FAM120A: variants seen among roughly 807,000 people sequenced by gnomAD.
FAM120A encodes constitutive coactivator of PPAR-gamma-like protein 1.
Under a neutral mutation model 109.7 loss-of-function variants are expected in FAM120A, and 15 were observed. The ratio of observed to expected loss-of-function variants is 0.14; its 90% confidence interval spans 0.09 to 0.21. FAM120A has a LOEUF of 0.21. Ranked by LOEUF, FAM120A falls within the 10% of genes least tolerant of loss-of-function variation. The probability of loss-of-function intolerance (pLI) is 1.00; values close to 1 mark genes in which losing one functional copy is unlikely to be tolerated. For missense variants in FAM120A, 899 were observed against 1,439.3 expected (o/e 0.62, Z 6.07); for synonymous variants, 493 against 572.8 (o/e 0.86, Z 1.99).
intron 5 of FAM120A, among the ~76,000 whole-genome samples, chr9:93,502,598 ACG>A (rs1491260332): frequency 2.0e-4 from 30 of 146,956 alleles, no homozygotes; most frequent in Admixed American, 7.6e-4. Flanking sequence ...ACACACACAC[ACG>A]CACACTTGCA....
intron 1 of FAM120A, among the ~76,000 whole-genome samples, chr9:93,462,868 C>T (rs1448405612): frequency 6.6e-6 from 1 of 152,202 alleles, no homozygotes; most frequent in Non-Finnish European, 1.5e-5. Flanking sequence ...GTCAGAATTT[C>T]CTCCTTAAGG....
chr9:93,492,178 G>GTA (rs10631729), intron 3 of FAM120A, among the ~76,000 whole-genome samples: 6,489 of 151,258 alleles, frequency 0.043, 450 homozygotes, highest in African/African-American at 0.15. Flanking sequence ...GTGTGTGTGT[G>GTA]TGTATATATA....
chr9:93,558,306 C>A (rs1241830268), intron 14 of FAM120A, among the ~76,000 whole-genome samples: 1 of 152,216 alleles, frequency 6.6e-6, no homozygotes, highest in Non-Finnish European at 1.5e-5. Context: ...ATAAACCCAC[C>A]CAGGTCAGAG....
rs749271972 is a variant in FAM120A at position 93,561,086 on chromosome 9, CTT to C, written c.2807-19_2807-18del. 14 of 1,609,730 alleles carry C rather than the reference CTT, an allele frequency of 8.7e-6. No individual in the cohort carries two copies. In the African/African-American group the frequency reaches 1.9e-4, roughly 22 times the overall value. ...AATTCTGTGATTGTAAAGATTTTGT[CTT>C]TTTGTATATTTTTTATGCAGGAGTC... On this transcript the variant is annotated intron_variant, in intron 15 of 17. Transcript: ENST00000277165.
At position 93,532,341 on chromosome 9, in the gene FAM120A, A is replaced by G. The variant is rs1861359885; in HGVS notation, c.1909+12A>G. ...ACTTCCACCAGAATGTATGTACTGT[A>G]ACAATCCATTGTTTGTTTTCCTCGG... On this transcript the variant is annotated intron_variant, in intron 10 of 17. Transcript: ENST00000277165. The surrounding 1 kb of genome is among the most constrained non-coding windows in gnomAD (Gnocchi z 4.3). 2.5e-6 allele frequency: 4 copies of G among 1,613,442 alleles called. No homozygotes were observed. Among genetic ancestry groups the G allele is most frequent in the South Asian group, 2.2e-5 (2 of 91,048 alleles).
intron 1 of FAM120A, among the ~76,000 whole-genome samples, chr9:93,454,087 C>CTT (rs1857436015): frequency 1.3e-5 from 2 of 152,148 alleles, no homozygotes; most frequent in Admixed American, 1.3e-4. Context: ...GCCTCGCACA[C>CTT]CTAGTAGGTG....
chr9:93,558,532 G>A, intron 14 of FAM120A, 49 bp from the exon 15 acceptor site: 1 of 1,606,280 alleles, frequency 6.2e-7, no homozygotes, highest in Non-Finnish European at 8.5e-7. Flanking sequence ...AGGGCCCTGA[G>A]TCCTGTCCCT....
At chr9:93,490,349 G>C (rs377486217) in intron 3 of FAM120A, among the ~76,000 whole-genome samples, 1 of 152,176 alleles carries the variant, frequency 6.6e-6, no homozygotes, top group Non-Finnish European at 1.5e-5. Context: ...GTTTTGTATG[G>C]TATATTTAAT....
intron 10 of FAM120A, among the ~76,000 whole-genome samples, chr9:93,541,026 T>C (rs1861678303): frequency 2.0e-5 from 3 of 150,930 alleles, no homozygotes; most frequent in Non-Finnish European, 4.4e-5. Flanking sequence ...CCTAAACCCA[T>C]GCTCTGTGTG....
chr9:93,560,352 A>G (rs1312053652), intron 15 of FAM120A, among the ~76,000 whole-genome samples: 2 of 152,222 alleles, frequency 1.3e-5, no homozygotes, highest in Non-Finnish European at 2.9e-5. Context: ...ACATTGAGTT[A>G]AATAAATACA....
intron 10 of FAM120A, among the ~76,000 whole-genome samples, chr9:93,539,213 G>A (rs1415702072): frequency 6.6e-6 from 1 of 152,006 alleles, no homozygotes; most frequent in Admixed American, 6.6e-5. Flanking sequence ...CAGCCAGGAT[G>A]GTCTCGATCT....
chr9:93,452,647 A>G lies in FAM120A; in HGVS notation c.474+258A>G. 2.5e-6 allele frequency: 4 copies of G among 1,598,982 alleles called. No homozygotes were observed. The highest frequency in any genetic ancestry group is 3.4e-6 in the Non-Finnish European group (4 of 1,179,874). Reference sequence around the variant, plus strand: ...TGGGGACACTTGAGGGCTGGGAGAGAGCCCCGGACCAGAATTCGGAGGCGA... The same window carrying G: ...TGGGGACACTTGAGGGCTGGGAGAGGGCCCCGGACCAGAATTCGGAGGCGA... On this transcript the variant is annotated intron_variant, in intron 1 of 17. Transcript: ENST00000277165. The surrounding 1 kb of genome is among the most constrained non-coding windows in gnomAD (Gnocchi z 7.0).
At chr9:93,523,280 G>A in intron 7 of FAM120A, 1 of 1,285,914 alleles carries the variant, frequency 7.8e-7, no homozygotes, top group Non-Finnish European at 1.0e-6. Flanking sequence ...GTCCTTTAAG[G>A]CCTTTCCAAC....
intron 5 of FAM120A, among the ~76,000 whole-genome samples, chr9:93,508,903 A>G (rs1216894016): frequency 6.6e-6 from 1 of 152,230 alleles, no homozygotes; most frequent in East Asian, 1.9e-4. Flanking sequence ...ATCTGAGAAC[A>G]TGAGAAAATA....
chr9:93,495,435 C>T (rs1251408137), intron 3 of FAM120A, among the ~76,000 whole-genome samples: 1 of 152,154 alleles, frequency 6.6e-6, no homozygotes, highest in Non-Finnish European at 1.5e-5. Flanking sequence ...GAGGCACTTA[C>T]CAAAGGGGAC....
chr9:93,468,716 A>AT (rs1422393671), intron 1 of FAM120A, among the ~76,000 whole-genome samples: 1 of 152,102 alleles, frequency 6.6e-6, no homozygotes, highest in African/African-American at 2.4e-5. Context: ...GGCTGTGTCT[A>AT]TCTCCGTAAT....
At chr9:93,472,691 A>G (rs1183415191) in intron 2 of FAM120A, among the ~76,000 whole-genome samples, 2 of 152,256 alleles carry the variant, frequency 1.3e-5, no homozygotes, top group Admixed American at 1.3e-4. Flanking sequence ...AAACATTCCA[A>G]AACAGTTTTA....
chr9:93,529,902 A>G (rs1481546111), intron 9 of FAM120A: 3 of 541,606 alleles, frequency 5.5e-6, no homozygotes, highest in African/African-American at 3.8e-5. Flanking sequence ...ATTTTCTTAA[A>G]CCATATTTGT....
intron 12 of FAM120A, among the ~76,000 whole-genome samples, chr9:93,554,121 A>ACG (rs1554786174): frequency 8.7e-5 from 1 of 11,504 alleles, no homozygotes; most frequent in Non-Finnish European, 1.7e-4. Context: ...GCCATTTGAT[A>ACG]CACACACACA....
Sources: gnomAD v4.1 joint callset for allele counts (sites outside exome capture counted in the v4.1 genomes callset) on GRCh38, gnomAD v4.1.1 for gene constraint, Gnocchi (gnomAD v3.1) non-coding constraint, MANE v1.5 for transcripts, NCBI Gene and HGNC (gene_info 2026-07-23, HGNC 2026-07-21) for gene names.